The following CNTNAP2 variants were observed in gnomAD, a reference collection of about 807,000 sequenced individuals.
CNTNAP2 encodes contactin-associated protein-like 2.
In CNTNAP2, 98 loss-of-function variants were observed where a neutral mutation model predicts 155.2. The observed-to-expected ratio is 0.63, with a 90% CI of 0.54 to 0.75. The LOEUF is 0.75. Among genes scored for constraint, CNTNAP2 ranks in the 30% least tolerant of loss-of-function variants. The probability of loss-of-function intolerance (pLI) is 0.00; values close to 1 mark genes in which losing one functional copy is unlikely to be tolerated. For missense variants in CNTNAP2, 1,727 were observed against 1,688.1 expected, an observed-to-expected ratio of 1.02 and a Z score of -0.40; for synonymous variants, 651 against 631.2, an observed-to-expected ratio of 1.03 and a Z score of -0.47.
intron 12 of CNTNAP2, among the ~76,000 whole-genome samples, chr7:147,574,498 G>C (rs142039386): frequency 5.4e-4 from 82 of 152,184 alleles, no homozygotes; most frequent in Middle Eastern, 3.4e-3. Flanking sequence ...TAGTGTCCTT[G>C]TTTGGATGAT....
intron 13 of CNTNAP2, among the ~76,000 whole-genome samples, chr7:147,754,197 A>G (rs1053917636): frequency 3.3e-5 from 5 of 152,260 alleles, no homozygotes; most frequent in African/African-American, 9.6e-5. Flanking sequence ...TTATCGCTCC[A>G]TCATTTCATA....
chr7:147,061,772 A>G (rs1434034025), intron 4 of CNTNAP2, among the ~76,000 whole-genome samples: 1 of 152,196 alleles, frequency 6.6e-6, no homozygotes, highest in Non-Finnish European at 1.5e-5. Flanking sequence ...ACAAAACAAA[A>G]CAAAACAAAA....
chr7:147,449,699 A>G (rs1797799102), intron 10 of CNTNAP2, among the ~76,000 whole-genome samples: 2 of 152,090 alleles, frequency 1.3e-5, no homozygotes, highest in South Asian at 2.1e-4. Flanking sequence ...TTTAAGGTGG[A>G]AAAAAAAGAA....
intron 8 of CNTNAP2, among the ~76,000 whole-genome samples, chr7:147,205,377 T>C (rs557445061): frequency 6.6e-6 from 1 of 152,244 alleles, no homozygotes; most frequent in African/African-American, 2.4e-5. Context: ...TTTAAGATTA[T>C]TTTTTCTATT....
At chr7:148,155,098 A>G (rs1805373705) in intron 17 of CNTNAP2, among the ~76,000 whole-genome samples, 1 of 152,136 alleles carries the variant, frequency 6.6e-6, no homozygotes, top group African/African-American at 2.4e-5. Context: ...CTTCCCCTCA[A>G]TGAGTCCACA....
chr7:146,277,192 C>T (rs1197859892), intron 1 of CNTNAP2, among the ~76,000 whole-genome samples: 3 of 152,146 alleles, frequency 2.0e-5, no homozygotes, highest in African/African-American at 7.2e-5. Context: ...GAAGGATCCT[C>T]CCCTGGAGAC....
chr7:146,599,443 CTCT>C (rs565858398), intron 1 of CNTNAP2, among the ~76,000 whole-genome samples: 35 of 152,132 alleles, frequency 2.3e-4, no homozygotes, highest in Middle Eastern at 6.8e-3. Flanking sequence ...TTGTGTTCTA[CTCT>C]TCTTCTTGCT....
chr7:148,022,481 A>G (rs1486670154), intron 15 of CNTNAP2, among the ~76,000 whole-genome samples: 4 of 78,932 alleles, frequency 5.1e-5, no homozygotes, highest in South Asian at 3.2e-4. Context: ...AAAAAAAAAA[A>G]AAAGAAAAGA....
At position 147,201,905 on chromosome 7, in the gene CNTNAP2, A is replaced by G. The variant is rs1294419183; in HGVS notation, c.1348+69396A>G. Among the ~76,000 whole-genome samples, 3 of 152,300 alleles carry G rather than the reference A, an allele frequency of 2.0e-5. No individual in the cohort carries two copies. In the East Asian group the frequency reaches 5.8e-4, roughly 29 times the overall value. On this transcript the variant is annotated intron_variant, in intron 8 of 23. Transcript: ENST00000361727. Reference sequence around the variant, plus strand: ...AGAAAAGGAGGAAAACTAATACAATATTTTTCCTGTAGCAAAACCCCAGAA... The same window carrying G: ...AGAAAAGGAGGAAAACTAATACAATGTTTTTCCTGTAGCAAAACCCCAGAA...
intron 6 of CNTNAP2, among the ~76,000 whole-genome samples, chr7:147,128,103 A>G (rs78782495): frequency 0.016 from 2,398 of 152,288 alleles, 27 homozygotes; most frequent in South Asian, 0.04. Flanking sequence ...TACACAGCTC[A>G]ACTTTGAGTT....
intron 1 of CNTNAP2, among the ~76,000 whole-genome samples, chr7:146,508,830 GT>G (rs1797424202): frequency 6.6e-6 from 1 of 152,158 alleles, no homozygotes; most frequent in South Asian, 2.1e-4. Flanking sequence ...TTGCCTCTCA[GT>G]TTTCTCTCGG....
intron 3 of CNTNAP2, among the ~76,000 whole-genome samples, chr7:146,920,316 A>T (rs931451466): frequency 5.9e-5 from 9 of 152,034 alleles, no homozygotes; most frequent in Admixed American, 5.9e-4. Context: ...CAGGAGGTTG[A>T]GGCAGGAGAA....
chr7:148,217,265 A>G (rs1471991497), intron 18 of CNTNAP2, 23 bp from the exon 19 acceptor site: 2 of 1,611,782 alleles, frequency 1.2e-6, no homozygotes, highest in Admixed American at 1.7e-5. Context: ...TCATTTTTCA[A>G]TTCTCTCTCT....
chr7:147,910,393 A>G (rs1800040413), intron 14 of CNTNAP2, among the ~76,000 whole-genome samples: 1 of 152,174 alleles, frequency 6.6e-6, no homozygotes, highest in Admixed American at 6.5e-5. Flanking sequence ...TTTTGTCTTT[A>G]TTTTAGAAAT....
At chr7:148,035,204 T>C (rs928015690) in intron 15 of CNTNAP2, among the ~76,000 whole-genome samples, 2 of 152,246 alleles carry the variant, frequency 1.3e-5, no homozygotes, top group Non-Finnish European at 2.9e-5. Flanking sequence ...AACAGCCATG[T>C]AAAGGTGCTG....
intron 3 of CNTNAP2, among the ~76,000 whole-genome samples, chr7:146,964,209 A>G (rs1217851668): frequency 4.6e-5 from 7 of 152,226 alleles, no homozygotes; most frequent in Admixed American, 4.6e-4. Flanking sequence ...CTGTGATCTT[A>G]ATTAAGATCC....
At chr7:148,095,514 A>T (rs1432922998) in intron 15 of CNTNAP2, among the ~76,000 whole-genome samples, 1 of 152,198 alleles carries the variant, frequency 6.6e-6, no homozygotes, top group Non-Finnish European at 1.5e-5. Flanking sequence ...TGTAGAAAAG[A>T]TCATCTGCAT....
chr7:147,018,579 T>C (rs1031006458), intron 3 of CNTNAP2, among the ~76,000 whole-genome samples: 1 of 152,084 alleles, frequency 6.6e-6, no homozygotes, highest in Non-Finnish European at 1.5e-5. Flanking sequence ...TTAGTTTTGA[T>C]AGACAAACTG....
intron 18 of CNTNAP2, among the ~76,000 whole-genome samples, chr7:148,213,241 G>A (rs1795579198): frequency 6.6e-6 from 1 of 152,246 alleles, no homozygotes; most frequent in African/African-American, 2.4e-5. Context: ...TCTGGGACTA[G>A]GCCTGGGGAC....
Sources: gnomAD v4.1 joint callset for allele counts (sites outside exome capture counted in the v4.1 genomes callset) on GRCh38, gnomAD v4.1.1 for gene constraint, MANE v1.5 for transcripts, NCBI Gene and HGNC (gene_info 2026-07-23, HGNC 2026-07-21) for gene names.